SCN1A: variants seen among roughly 807,000 people sequenced by gnomAD.
SCN1A encodes the protein sodium voltage-gated channel alpha subunit 1.
In SCN1A, 13 loss-of-function variants were observed where a neutral mutation model predicts 193.7. The ratio of observed to expected loss-of-function variants is 0.07; its 90% CI spans 0.04 to 0.11. The LOEUF (loss-of-function observed/expected upper bound fraction) is 0.11, where lower values mean the gene tolerates loss of function less well. SCN1A is among the 10% of genes least tolerant of loss of function. SCN1A has a pLI of 1.00. For synonymous variants in SCN1A, 781 were observed against 843.6 expected, an observed-to-expected ratio of 0.93 and a Z score of 1.29; for missense variants, 1,432 against 2,451.1, an observed-to-expected ratio of 0.58 and a Z score of 8.78.
chr2:166,030,554 A>G (rs192300013), intron 19 of SCN1A, among the ~76,000 whole-genome samples: 22 of 152,280 alleles, frequency 1.4e-4, no homozygotes, highest in African/African-American at 5.1e-4. Flanking sequence ...TTTTTATTTA[A>G]ATGGAATTAA....
chr2:165,996,715 G>C (rs1454050611), intron 26 of SCN1A, among the ~76,000 whole-genome samples: 1 of 151,434 alleles, frequency 6.6e-6, no homozygotes, highest in Non-Finnish European at 1.5e-5. Flanking sequence ...AAGTGAAATA[G>C]AGTAGCCTGA....
intron 1 of SCN1A, among the ~76,000 whole-genome samples, chr2:166,142,027 T>G (rs898131631): frequency 6.6e-6 from 1 of 152,188 alleles, no homozygotes; most frequent in Non-Finnish European, 1.5e-5. Context: ...GGAATTTCTC[T>G]GAGGCATTTA....
chr2:166,004,131 G>C (rs2105521293), intron 23 of SCN1A, among the ~76,000 whole-genome samples: 1 of 151,648 alleles, frequency 6.6e-6, no homozygotes, highest in Non-Finnish European at 1.5e-5. Flanking sequence ...TCATCTGACT[G>C]TCTGCATTAA....
chr2:166,035,021 T>C (rs1696144964), intron 19 of SCN1A, among the ~76,000 whole-genome samples: 1 of 152,208 alleles, frequency 6.6e-6, no homozygotes, highest in Non-Finnish European at 1.5e-5. Context: ...TATAGTGTTA[T>C]GGCAGTCCAA....
chr2:166,031,050 T>C (rs1695489371), intron 19 of SCN1A, among the ~76,000 whole-genome samples: 2 of 152,030 alleles, frequency 1.3e-5, no homozygotes, highest in Non-Finnish European at 2.9e-5. Flanking sequence ...GTCAAGAAAT[T>C]TTCTGAGGTT....
At chr2:166,094,679 G>A (rs143724078) in intron 2 of SCN1A, among the ~76,000 whole-genome samples, 6 of 152,116 alleles carry the variant, frequency 3.9e-5, no homozygotes, top group African/African-American at 7.2e-5. Flanking sequence ...TAGTTGCTAC[G>A]CATGGAGTAG....
At chr2:166,083,819 A>G (rs1043302927) in intron 2 of SCN1A, among the ~76,000 whole-genome samples, 1 of 152,222 alleles carries the variant, frequency 6.6e-6, no homozygotes, top group Non-Finnish European at 1.5e-5. Flanking sequence ...GTTTATATCA[A>G]GAATATAGTA....
At chr2:166,055,173 A>C (rs1289336056) in intron 6 of SCN1A, among the ~76,000 whole-genome samples, 1 of 143,446 alleles carries the variant, frequency 7.0e-6, no homozygotes, top group African/African-American at 2.5e-5. Context: ...AATGAGAGGA[A>C]ACTGACAAAT....
At chr2:166,093,239 G>A (rs1687014087) in intron 2 of SCN1A, among the ~76,000 whole-genome samples, 1 of 151,838 alleles carries the variant, frequency 6.6e-6, no homozygotes, top group African/African-American at 2.4e-5. Flanking sequence ...CATTCAGAAA[G>A]AATGTAGGCT....
intron 24 of SCN1A, among the ~76,000 whole-genome samples, chr2:166,000,898 T>G (rs1307018921): frequency 1.3e-5 from 2 of 150,634 alleles, no homozygotes; most frequent in African/African-American, 2.4e-5. Context: ...TTAGAGGGTT[T>G]TTTTTTTTTT....
At chr2:166,113,773 G>A (rs1444523544) in intron 2 of SCN1A, among the ~76,000 whole-genome samples, 1 of 152,120 alleles carries the variant, frequency 6.6e-6, no homozygotes, top group Admixed American at 6.5e-5. Flanking sequence ...TGGATACAAT[G>A]CACATTGCTC....
At chr2:166,014,558 C>A (rs1692992735) in intron 20 of SCN1A, among the ~76,000 whole-genome samples, 1 of 145,114 alleles carries the variant, frequency 6.9e-6, no homozygotes. Flanking sequence ...ATGTACCTTA[C>A]TCCCAAGAAC....
chr2:166,031,694 A>G (rs1453473543), intron 19 of SCN1A, among the ~76,000 whole-genome samples: 1 of 152,136 alleles, frequency 6.6e-6, no homozygotes, highest in Non-Finnish European at 1.5e-5. Context: ...ACAGTGTGGA[A>G]TGCAACTGGT....
rs1267640324 is a variant in SCN1A, at chr2:165,992,987, C to T, written c.4853-565G>A. On this transcript the variant is annotated intron_variant, in intron 28 of 28. Transcript: ENST00000674923. This position sits in a 1 kb window ranked among gnomAD's most constrained non-coding sequence, Gnocchi z 6.5. ...CCAGGTTGATGCTCTTTTTAGTATCCTGTACTTAATGTTGTATTTCAATTC... is the reference window on the plus strand; with the variant it reads ...CCAGGTTGATGCTCTTTTTAGTATCTTGTACTTAATGTTGTATTTCAATTC... 1.3e-5 allele frequency: 2 copies of T among 152,564 alleles called. No individual in the cohort carries two copies. Among genetic ancestry groups the T allele is most frequent in the African/African-American group, 2.4e-5 (1 of 41,370 alleles). 9.5% of individuals were successfully genotyped at this position (152,564 alleles called of 1,614,324 possible). A position where few individuals can be genotyped will look rare whatever the true frequency, so the allele number is the denominator to read the frequency against.
At chr2:166,070,775 A>T (rs1684334544) in intron 4 of SCN1A, among the ~76,000 whole-genome samples, 1 of 152,162 alleles carries the variant, frequency 6.6e-6, no homozygotes, top group South Asian at 2.1e-4. Flanking sequence ...TAAAGAAAAA[A>T]AAGATTGATT....
At chr2:166,110,060 G>T (rs1379186111) in intron 2 of SCN1A, among the ~76,000 whole-genome samples, 24 of 152,064 alleles carry the variant, frequency 1.6e-4, no homozygotes. Flanking sequence ...ATAAATGCTT[G>T]AGGGGACACA....
In SCN1A at chr2:166,073,517, C is replaced by T. The variant is rs41265141; in HGVS notation, c.105G>A (p.Lys35=). The change falls in exon 4 of 29, where the codon AAG becomes AAA. Residue 35 remains lysine (K), a synonymous_variant. Coordinates refer to ENST00000674923, the MANE Select transcript of SCN1A (RefSeq NM_001165963.4). ...IERRIAEEKA[K]NPKPDKKDDD... ...CATCTTTTTTGTCTGGTTTGGGATT[C>T]TTTGCCTTTTCTTCTGCAATGCGTC... The T allele has an allele frequency of 1.2e-6, 2 of 1,614,146 alleles. No homozygotes were observed. The highest frequency in any genetic ancestry group is 1.7e-6 in the Non-Finnish European group (2 of 1,180,014).
intron 19 of SCN1A, among the ~76,000 whole-genome samples, chr2:166,024,391 C>T (rs1000604417): frequency 6.6e-6 from 1 of 152,124 alleles, no homozygotes; most frequent in Admixed American, 6.5e-5. Flanking sequence ...TTCAATTACT[C>T]AACATTTATT....
At chr2:166,019,139 G>A (rs1399001537) in intron 19 of SCN1A, among the ~76,000 whole-genome samples, 1 of 152,050 alleles carries the variant, frequency 6.6e-6, no homozygotes, top group African/African-American at 2.4e-5. Flanking sequence ...ACAATGGATG[G>A]ATACAATATA....
Sources: gnomAD v4.1 joint callset for allele counts (sites outside exome capture counted in the v4.1 genomes callset) on GRCh38, gnomAD v4.1.1 for gene constraint, Gnocchi (gnomAD v3.1) non-coding constraint, MANE v1.5 for transcripts, NCBI Gene and HGNC (gene_info 2026-07-23, HGNC 2026-07-21) for gene names.